The following LOC728743 variants were observed in gnomAD, a reference collection of about 807,000 sequenced individuals.
chr7:150,402,980 C>T, the LOC728743 span, among the ~76,000 whole-genome samples: 1 of 152,170 alleles, frequency 6.6e-6, no homozygotes, highest in African/African-American at 2.4e-5. Flanking sequence ...CTCCAGGACG[C>T]CTTGGTTGTG....
At chr7:150,404,272 CCTCAGGCACGTT>C in the LOC728743 span, among the ~76,000 whole-genome samples, 1 of 152,110 alleles carries the variant, frequency 6.6e-6, no homozygotes, top group Non-Finnish European at 1.5e-5. Context: ...AAATGTACAC[CCTCAGGCACGTT>C]CTCACTGGGG....
At chr7:150,403,393 G>T in the LOC728743 span, among the ~76,000 whole-genome samples, 1 of 152,128 alleles carries the variant, frequency 6.6e-6, no homozygotes, top group South Asian at 2.1e-4. This position sits in a 1 kb window ranked among gnomAD's most constrained non-coding sequence, Gnocchi z 5.1. Flanking sequence ...TTCTATTTTG[G>T]TTCAGCTTAC....
At chr7:150,403,904 C>T in the LOC728743 span, among the ~76,000 whole-genome samples, 4 of 152,186 alleles carry the variant, frequency 2.6e-5, no homozygotes, top group Admixed American at 2.0e-4. This position sits in a 1 kb window ranked among gnomAD's most constrained non-coding sequence, Gnocchi z 5.1. Context: ...CAGGCCTGAC[C>T]TCCAGGCCTG....
the LOC728743 span, among the ~76,000 whole-genome samples, chr7:150,403,616 C>G: frequency 6.6e-6 from 1 of 152,130 alleles, no homozygotes; most frequent in Non-Finnish European, 1.5e-5. The surrounding 1 kb of genome is among the most constrained non-coding windows in gnomAD (Gnocchi z 5.1). Flanking sequence ...GTCATCAGCA[C>G]CTGGGGTGCT....
At chr7:150,402,558 G>C in the LOC728743 span, among the ~76,000 whole-genome samples, 1 of 152,248 alleles carries the variant, frequency 6.6e-6, no homozygotes, top group African/African-American at 2.4e-5. Context: ...GGGACAAAGA[G>C]ACGCTAAAAT....
the LOC728743 span, among the ~76,000 whole-genome samples, chr7:150,403,449 T>C: frequency 6.6e-6 from 1 of 152,224 alleles, no homozygotes; most frequent in Non-Finnish European, 1.5e-5. This position sits in a 1 kb window ranked among gnomAD's most constrained non-coding sequence, Gnocchi z 5.1. Context: ...AGGCATATTA[T>C]TGATTTTGCT....
chr7:150,411,361 G>A, the LOC728743 span: 59 of 152,804 alleles, frequency 3.9e-4, no homozygotes, highest in African/African-American at 1.1e-3. Flanking sequence ...TGGGCAGGGT[G>A]AGAGGTCGGT....
chr7:150,401,017 G>A, the LOC728743 span: 1 of 152,236 alleles, frequency 6.6e-6, no homozygotes, highest in Admixed American at 6.5e-5. Flanking sequence ...GGTAAGTGCA[G>A]GTCTGCAGTG....
the LOC728743 span, among the ~76,000 whole-genome samples, chr7:150,401,881 A>G: frequency 6.6e-6 from 1 of 152,190 alleles, no homozygotes; most frequent in Non-Finnish European, 1.5e-5. Context: ...AGCCCCAGGG[A>G]TGATAGGATG....
chr7:150,406,266 A>C, the LOC728743 span, among the ~76,000 whole-genome samples: 1 of 152,146 alleles, frequency 6.6e-6, no homozygotes, highest in East Asian at 1.9e-4. Context: ...CCAGTGGAAT[A>C]TTCAGCCGGC....
the LOC728743 span, among the ~76,000 whole-genome samples, chr7:150,407,167 TG>T: frequency 3.3e-5 from 5 of 152,240 alleles, no homozygotes; most frequent in South Asian, 8.3e-4. Flanking sequence ...TCTAGTGTCT[TG>T]TGTGGCTGGC....
the LOC728743 span, chr7:150,408,244 G>T: frequency 5.2e-6 from 2 of 387,182 alleles, no homozygotes; most frequent in South Asian, 2.6e-4. Flanking sequence ...GCCTGCTGCC[G>T]ACGGCTGCTT....
the LOC728743 span, chr7:150,408,070 C>A: frequency 2.7e-6 from 1 of 376,840 alleles, no homozygotes; most frequent in Non-Finnish European, 4.7e-6. Context: ...CCGCGCCGCA[C>A]CCGCGCCGCC....
At chr7:150,401,322 C>T in the LOC728743 span, among the ~76,000 whole-genome samples, 14 of 152,202 alleles carry the variant, frequency 9.2e-5, no homozygotes, top group Admixed American at 3.3e-4. Context: ...TGCCCAGTCC[C>T]GGGGAGCTGC....
At chr7:150,407,247 CAG>C in the LOC728743 span, among the ~76,000 whole-genome samples, 1 of 152,056 alleles carries the variant, frequency 6.6e-6, no homozygotes, top group Admixed American at 6.5e-5. Flanking sequence ...AGTCGGGGGA[CAG>C]AGGTGGCATG....
the LOC728743 span, among the ~76,000 whole-genome samples, chr7:150,403,732 C>T: frequency 1.3e-5 from 2 of 152,094 alleles, no homozygotes; most frequent in East Asian, 1.9e-4. This position sits in a 1 kb window ranked among gnomAD's most constrained non-coding sequence, Gnocchi z 5.1. Context: ...TTCCGTGGGA[C>T]GTGGAACTCC....
At chr7:150,407,826 A>C in the LOC728743 span, 1 of 413,628 alleles carries the variant, frequency 2.4e-6, no homozygotes. Flanking sequence ...GTGTGTCCCG[A>C]GTGCGGCAAG....
At chr7:150,406,409 T>C in the LOC728743 span, among the ~76,000 whole-genome samples, 2 of 152,124 alleles carry the variant, frequency 1.3e-5, no homozygotes, top group Non-Finnish European at 2.9e-5. Context: ...TTGGAATGCA[T>C]GGCTCTGTGA....
At chr7:150,410,406 G>A in the LOC728743 span, 1 of 385,634 alleles carries the variant, frequency 2.6e-6, no homozygotes, top group Non-Finnish European at 4.6e-6. Context: ...AATCACAGCT[G>A]GGGCAGACCT....
Sources: gnomAD v4.1 joint callset for allele counts (sites outside exome capture counted in the v4.1 genomes callset) on GRCh38, gnomAD v4.1.1 for gene constraint, Gnocchi (gnomAD v3.1) non-coding constraint, MANE v1.5 for transcripts.